KDM6A: variants seen among roughly 807,000 people sequenced by gnomAD.
KDM6A encodes the protein lysine-specific demethylase 6A.
A neutral mutation model predicts 117.6 loss-of-function variants in KDM6A; 11 were observed. That is an observed-to-expected ratio of 0.09 (90% CI 0.06 to 0.15). The LOEUF (loss-of-function observed/expected upper bound fraction) is 0.15, where lower values mean the gene tolerates loss of function less well. Ranked by LOEUF, KDM6A falls within the 10% of genes least tolerant of loss-of-function variation. The pLI is 1.00. For synonymous variants in KDM6A, 384 were observed against 396.1 expected, an observed-to-expected ratio of 0.97 and a Z score of 0.36; for missense variants, 799 against 1,077.3, an observed-to-expected ratio of 0.74 and a Z score of 3.62.
intron 7 of KDM6A, among the ~76,000 whole-genome samples, chrX:45,037,322 C>T (rs1169461083): frequency 1.8e-5 from 2 of 111,681 alleles, no homozygotes; most frequent in African/African-American, 6.5e-5. Flanking sequence ...TAAAGGTTTT[C>T]TCTCTTTGCT....
intron 8 of KDM6A, 68 bp from the exon 9 acceptor site, chrX:45,051,641 T>C: frequency 1.7e-6 from 1 of 600,047 alleles, no homozygotes; most frequent in Non-Finnish European, 2.7e-6. Flanking sequence ...TGTATAATTC[T>C]TAATATATGA....
chrX:44,895,302 A>T lies in KDM6A; in HGVS notation c.225+21315A>T, dbSNP rs1170978624. On this transcript the variant is annotated intron_variant, in intron 2 of 29. Transcript: ENST00000611820. ...TTTTATTTTTGCATTTTTAGTAGAG[A>T]TGGGGTTTCACCGCGTTAGCCGGGA... Among the ~76,000 whole-genome samples the T allele has an allele frequency of 3.8e-5, 4 of 105,759 alleles. No homozygotes were observed. The East Asian group carries it at 1.2e-3, about 32-fold the overall frequency. The allele number at this position is 105,759 out of a possible 115,157, so 91.8% of individuals were successfully genotyped here.
intron 4 of KDM6A, among the ~76,000 whole-genome samples, chrX:45,003,394 CTTTTTTTTT>C (rs397896934): frequency 1.3e-5 from 1 of 75,547 alleles, no homozygotes; most frequent in East Asian, 4.6e-4. Context: ...AATTATCCTT[CTTTTTTTTT>C]TTTTTTTTTT....
intron 2 of KDM6A, among the ~76,000 whole-genome samples, chrX:44,926,278 CG>C (rs2036298973): frequency 9.0e-6 from 1 of 111,132 alleles, no homozygotes; most frequent in African/African-American, 3.3e-5. Context: ...TGGTCATGTT[CG>C]CCAAGCTGGT....
chrX:45,010,334 GAAAA>G (rs200109800), intron 4 of KDM6A, among the ~76,000 whole-genome samples: 1 of 107,900 alleles, frequency 9.3e-6, no homozygotes. Context: ...AAAAAAAAAA[GAAAA>G]AAAATCATGG....
chrX:45,005,707 T>C, intron 4 of KDM6A, among the ~76,000 whole-genome samples: 1 of 110,805 alleles, frequency 9.0e-6, no homozygotes, highest in Non-Finnish European at 1.9e-5. Flanking sequence ...TGTTACCATC[T>C]TTATCCCTCT....
chrX:44,986,453 C>G (rs1407358232), intron 4 of KDM6A, among the ~76,000 whole-genome samples: 1 of 111,281 alleles, frequency 9.0e-6, no homozygotes, highest in East Asian at 2.8e-4. Flanking sequence ...CTTCTGCTAG[C>G]TTTTGAATGT....
chrX:45,098,317 AG>A (rs1232198276), intron 27 of KDM6A, among the ~76,000 whole-genome samples: 1 of 112,585 alleles, frequency 8.9e-6, no homozygotes, highest in Non-Finnish European at 1.9e-5. Context: ...ATTAAATGGA[AG>A]GCAGAAGATT....
intron 6 of KDM6A, among the ~76,000 whole-genome samples, chrX:45,029,672 C>A (rs1433163625): frequency 9.1e-6 from 1 of 109,929 alleles, no homozygotes; most frequent in Admixed American, 9.7e-5. Flanking sequence ...TGCAGTATCC[C>A]CCTTTATAAA....
chrX:44,897,246 C>T (rs2033965397), intron 2 of KDM6A, among the ~76,000 whole-genome samples: 1 of 95,762 alleles, frequency 1.0e-5, no homozygotes, highest in Non-Finnish European at 2.1e-5. Context: ...TTATTGAGCT[C>T]ATTCAAAGAG....
At chrX:45,012,197 A>ATGTTTTTTTTTTT (rs2041791210) in intron 5 of KDM6A, among the ~76,000 whole-genome samples, 1 of 69,070 alleles carries the variant, frequency 1.4e-5, no homozygotes, top group African/African-American at 6.3e-5. Flanking sequence ...CCCAATGTAG[A>ATGTTTTTTTTTTT]TTTTTTTTTT....
chrX:44,921,270 T>C (rs1009771949), intron 2 of KDM6A, among the ~76,000 whole-genome samples: 10 of 112,168 alleles, frequency 8.9e-5, no homozygotes, highest in South Asian at 7.4e-4. Flanking sequence ...TTGTGCACTC[T>C]TTACCCAACT....
chrX:45,078,574 T>A, intron 20 of KDM6A, 69 bp downstream of exon 20: 6 of 866,035 alleles, frequency 6.9e-6, no homozygotes, highest in Non-Finnish European at 9.8e-6. Context: ...TTTCCAGCAC[T>A]GGCAGATACT....
In KDM6A at chrX:45,090,278, G is replaced by A. The variant is rs369440374; in HGVS notation, c.3892+348G>A. 5.3e-5 allele frequency among the ~76,000 whole-genome samples: 6 copies of A among 112,282 alleles called. No homozygotes were observed. The East Asian group carries it at 8.4e-4, about 16-fold the overall frequency. ...TCTAGTGTTTCATATGAATAGCTCT[G>A]TAATGTCAAAATCTGTTTGAATTAT... On this transcript the variant is annotated intron_variant, in intron 26 of 29. Transcript: ENST00000611820.
intron 17 of KDM6A, among the ~76,000 whole-genome samples, chrX:45,069,127 C>T (rs756168411): frequency 2.7e-5 from 3 of 112,012 alleles, no homozygotes; most frequent in Non-Finnish European, 3.8e-5. Flanking sequence ...ATTTGAATTA[C>T]AGAAGATTAT....
chrX:45,054,605 A>G (rs113020655), intron 10 of KDM6A, among the ~76,000 whole-genome samples: 1 of 111,858 alleles, frequency 8.9e-6, no homozygotes, highest in African/African-American at 3.3e-5. Context: ...TACCTCATGC[A>G]TAAGTATCTG....
At chrX:44,995,293 G>T (rs12010625) in intron 4 of KDM6A, among the ~76,000 whole-genome samples, 23,593 of 108,542 alleles carry the variant, frequency 0.22, 4,329 homozygotes, top group African/African-American at 0.61. Context: ...TTCCTTTTGC[G>T]GCCAGCTCAG....
At chrX:44,925,228 C>T (rs1204139416) in intron 2 of KDM6A, among the ~76,000 whole-genome samples, 2 of 111,277 alleles carry the variant, frequency 1.8e-5, no homozygotes, top group Non-Finnish European at 3.8e-5. Flanking sequence ...GAACTCTAAA[C>T]TGCCTTGGCG....
chrX:44,909,048 G>T (rs778024761), intron 2 of KDM6A, among the ~76,000 whole-genome samples: 58 of 112,019 alleles, frequency 5.2e-4, no homozygotes, highest in African/African-American at 1.8e-3. Flanking sequence ...CTCAAATCAG[G>T]AAGTGGAACA....
Sources: gnomAD v4.1 joint callset for allele counts (sites outside exome capture counted in the v4.1 genomes callset) on GRCh38, gnomAD v4.1.1 for gene constraint, MANE v1.5 for transcripts, NCBI Gene and HGNC (gene_info 2026-07-23, HGNC 2026-07-21) for gene names.